The following ROBO1 variants were observed in gnomAD, a reference collection of about 807,000 sequenced individuals.
The protein encoded by ROBO1 is roundabout guidance receptor 1, also known as roundabout homolog 1.
ROBO1 carries 149 observed loss-of-function variants against 195.9 expected under a neutral mutation model. The observed-to-expected ratio is 0.76, with a 90% confidence interval of 0.67 to 0.87. The LOEUF is 0.87. ROBO1 is among the 40% of genes least tolerant of loss of function. The pLI is 0.00. For missense variants in ROBO1, 1,933 were observed against 2,068.3 expected (o/e 0.93, Z 1.27); for synonymous variants, 816 against 733.2 (o/e 1.11, Z -1.82).
intron 1 of ROBO1, among the ~76,000 whole-genome samples, chr3:79,693,940 A>C (rs1350044820): frequency 6.6e-6 from 1 of 151,736 alleles, no homozygotes; most frequent in African/African-American, 2.4e-5. Context: ...TTTTTTCAAA[A>C]TTCAGACTCT....
At chr3:79,264,091 T>A (rs2082990046) in intron 2 of ROBO1, among the ~76,000 whole-genome samples, 1 of 152,040 alleles carries the variant, frequency 6.6e-6, no homozygotes. Context: ...AATTTTAAAT[T>A]CAACAATGGC....
chr3:79,157,191 TG>T (rs1415234716), intron 2 of ROBO1, among the ~76,000 whole-genome samples: 1 of 151,846 alleles, frequency 6.6e-6, no homozygotes. Flanking sequence ...GGGAAATGTT[TG>T]GGGGGCTTTT....
chr3:79,583,115 C>T (rs1943711193), intron 2 of ROBO1, among the ~76,000 whole-genome samples: 2 of 151,902 alleles, frequency 1.3e-5, no homozygotes, highest in South Asian at 2.1e-4. Flanking sequence ...ATGTTTTCTC[C>T]TCTATAAAAT....
chr3:79,330,670 GGA>G (rs2034406430), intron 2 of ROBO1, among the ~76,000 whole-genome samples: 1 of 95,652 alleles, frequency 1.0e-5, no homozygotes, highest in Admixed American at 1.1e-4. Context: ...TGGAACTTAG[GGA>G]AAAAAAAAAA....
chr3:78,972,452 CAAT>C (rs2076789915), intron 3 of ROBO1, among the ~76,000 whole-genome samples: 1 of 152,126 alleles, frequency 6.6e-6, no homozygotes. Flanking sequence ...AATATTATGA[CAAT>C]GATATTACAA....
Position 78,600,210 on chromosome 3 carries a change from C to T in ROBO1, c.4844G>A (p.Arg1615Lys). The T allele has an allele frequency of 6.8e-6, 11 of 1,613,614 alleles. No homozygotes were observed. Among genetic ancestry groups the T allele is most frequent in the Non-Finnish European group, 8.5e-6 (10 of 1,179,634 alleles). The stretch of plus-strand genomic sequence containing the variant: ...ACCTACATTTGCTTGTTCTCTTTGT[C>T]TGCTTCCTGATCCTCTTGATGACAT... Reference protein sequence around the residue: ...SSMSSRGSGSRQREQANVGRR... With the variant: ...SSMSSRGSGSKQREQANVGRR... Residue 1615 changes from arginine (R) to lysine (K), a missense_variant, in exon 30 of 31, where the codon AGA (arginine) becomes AAA (lysine). Transcript: ENST00000464233.
chr3:79,208,590 G>T (rs2108796165), intron 2 of ROBO1, among the ~76,000 whole-genome samples: 1 of 152,284 alleles, frequency 6.6e-6, no homozygotes, highest in East Asian at 1.9e-4. Context: ...TAGGATAGCA[G>T]AGATGCATTT....
chr3:79,296,354 C>T (rs1043733320), intron 2 of ROBO1, among the ~76,000 whole-genome samples: 3 of 152,086 alleles, frequency 2.0e-5, no homozygotes, highest in African/African-American at 7.2e-5. Flanking sequence ...ACATTTATAA[C>T]ACATAGTTGA....
At chr3:79,361,654 T>C (rs2109305541) in intron 2 of ROBO1, among the ~76,000 whole-genome samples, 1 of 152,212 alleles carries the variant, frequency 6.6e-6, no homozygotes, top group African/African-American at 2.4e-5. Context: ...GATAAAAATG[T>C]CAGTATAGAA....
intron 2 of ROBO1, among the ~76,000 whole-genome samples, chr3:79,256,711 T>C (rs2108927167): frequency 6.6e-6 from 1 of 152,268 alleles, no homozygotes; most frequent in Non-Finnish European, 1.5e-5. Flanking sequence ...ATCTATTAAC[T>C]TTCTGTGATT....
intron 3 of ROBO1, among the ~76,000 whole-genome samples, chr3:78,956,857 TTC>T (rs1408924334): frequency 6.6e-6 from 1 of 152,172 alleles, no homozygotes; most frequent in African/African-American, 2.4e-5. Context: ...TTAAATTTAA[TTC>T]TGAGGACACT....
chr3:79,566,290 T>A (rs1478617694), intron 2 of ROBO1, among the ~76,000 whole-genome samples: 1 of 152,168 alleles, frequency 6.6e-6, no homozygotes, highest in African/African-American at 2.4e-5. Flanking sequence ...ATCGTGTGTC[T>A]CACAGCGGAT....
intron 4 of ROBO1, among the ~76,000 whole-genome samples, chr3:78,843,602 A>G (rs538760134): frequency 1.4e-3 from 213 of 152,182 alleles, no homozygotes; most frequent in African/African-American, 5.1e-3. Flanking sequence ...TGTCTCGGAG[A>G]AAGTTTCCTT....
intron 1 of ROBO1, among the ~76,000 whole-genome samples, chr3:79,646,646 T>G (rs1453993593): frequency 6.6e-6 from 1 of 152,122 alleles, no homozygotes; most frequent in Admixed American, 6.6e-5. Context: ...AGCCAAAATA[T>G]GGAATGAATC....
chr3:78,925,555 A>G (rs897474924), intron 4 of ROBO1, among the ~76,000 whole-genome samples: 1 of 152,224 alleles, frequency 6.6e-6, no homozygotes, highest in Non-Finnish European at 1.5e-5. Flanking sequence ...TACCCTTCAA[A>G]TATAACGAAA....
chr3:78,685,740 C>T lies in ROBO1; in HGVS notation c.1342+6G>A. ...ACATTTTGAAATAAAATGTTTTACACTTTACCATCTGTAACTTCCAAATAT... is the reference window on the plus strand; with the variant it reads ...ACATTTTGAAATAAAATGTTTTACATTTTACCATCTGTAACTTCCAAATAT... On this transcript the variant is annotated splice_donor_region_variant and intron_variant, in intron 10 of 30. Coordinates refer to ENST00000464233, the MANE Select transcript of ROBO1 (RefSeq NM_002941.4). 3.1e-6 allele frequency: 5 copies of T among 1,591,978 alleles called. No individual in the cohort carries two copies. Among genetic ancestry groups the T allele is most frequent in the Non-Finnish European group, 4.3e-6 (5 of 1,164,238 alleles).
chr3:78,657,687 C>T (rs1707123921), intron 17 of ROBO1, among the ~76,000 whole-genome samples: 1 of 152,138 alleles, frequency 6.6e-6, no homozygotes, highest in Admixed American at 6.5e-5. Context: ...AGGCATGACC[C>T]AGATGACCAG....
At chr3:79,651,561 A>T (rs1449372700) in intron 1 of ROBO1, among the ~76,000 whole-genome samples, 2 of 152,142 alleles carry the variant, frequency 1.3e-5, no homozygotes, top group African/African-American at 4.8e-5. Context: ...AAGTCAACTG[A>T]TTTATTTGCA....
intron 2 of ROBO1, among the ~76,000 whole-genome samples, chr3:79,485,871 G>A (rs988209531): frequency 6.6e-6 from 1 of 152,092 alleles, no homozygotes; most frequent in Non-Finnish European, 1.5e-5. Context: ...CTTTGAAGAC[G>A]GGAGTTTGGA....
Sources: allele counts gnomAD v4.1 joint callset (sites outside exome capture counted in the v4.1 genomes callset), GRCh38; gene constraint gnomAD v4.1.1; transcripts MANE v1.5; gene names NCBI Gene and HGNC (gene_info 2026-07-23, HGNC 2026-07-21).